The following CPLANE1 variants were observed in gnomAD, a reference collection of about 807,000 sequenced individuals.
CPLANE1 encodes ciliogenesis and planar polarity effector complex subunit 1, also known as ciliogenesis and planar polarity effector 1.
A neutral mutation model predicts 362.5 loss-of-function variants in CPLANE1; 263 were observed. That is an observed-to-expected ratio of 0.73 (90% confidence interval 0.66 to 0.80). CPLANE1 has a LOEUF of 0.80. CPLANE1 is among the 30% of genes least tolerant of loss of function. CPLANE1 has a pLI of 0.00. For synonymous variants in CPLANE1, 1,212 were observed against 1,302.6 expected (o/e 0.93, Z 1.50); for missense variants, 3,461 against 3,793.4 (o/e 0.91, Z 2.30).
intron 42 of CPLANE1, 116 bp downstream of exon 42, chr5:37,153,624 A>G (rs1774196398): frequency 1.9e-6 from 2 of 1,058,866 alleles, no homozygotes; most frequent in Non-Finnish European, 2.7e-6. Flanking sequence ...GACAAACCCT[A>G]GCTTAAAGAA....
intron 21 of CPLANE1, among the ~76,000 whole-genome samples, chr5:37,194,693 A>G (rs1254565222): frequency 1.3e-5 from 2 of 148,476 alleles, no homozygotes; most frequent in Non-Finnish European, 3.0e-5. Flanking sequence ...GGCTCTCACT[A>G]CGTTGCCCAG....
chr5:37,126,552 C>T (rs1764180860), intron 46 of CPLANE1, among the ~76,000 whole-genome samples: 1 of 152,196 alleles, frequency 6.6e-6, no homozygotes, highest in Non-Finnish European at 1.5e-5. Context: ...GATGCTTCTC[C>T]TTACTTCTTC....
At chr5:37,235,315 G>C (rs889051926) in intron 8 of CPLANE1, among the ~76,000 whole-genome samples, 2 of 151,964 alleles carry the variant, frequency 1.3e-5, no homozygotes. Context: ...ACTGATAAAA[G>C]AAATTATAAT....
At chr5:37,085,304 T>A in the CPLANE1 span, 3 of 1,083,838 alleles carry the variant, frequency 2.8e-6, 1 homozygote, top group Non-Finnish European at 2.9e-6. Flanking sequence ...CCTACCCTGC[T>A]GGATTCATGG....
intron 51 of CPLANE1, among the ~76,000 whole-genome samples, chr5:37,112,291 T>C (rs1759583148): frequency 6.6e-6 from 1 of 152,212 alleles, no homozygotes; most frequent in African/African-American, 2.4e-5. Context: ...TATCACTGGG[T>C]TTCTCTCACC....
chr5:37,149,089 T>C (rs1772671186), intron 42 of CPLANE1, among the ~76,000 whole-genome samples: 1 of 152,122 alleles, frequency 6.6e-6, no homozygotes, highest in Non-Finnish European at 1.5e-5. Context: ...GTGGTGTGTG[T>C]GTGTGTGTAT....
At chr5:37,101,157 C>T in the CPLANE1 span, among the ~76,000 whole-genome samples, 1 of 152,082 alleles carries the variant, frequency 6.6e-6, no homozygotes, top group South Asian at 2.1e-4. Flanking sequence ...TGAATATGAG[C>T]GGTGAGAAGG....
chr5:37,113,812 T>TTTTTG (rs769144791), intron 51 of CPLANE1, among the ~76,000 whole-genome samples: 74 of 152,164 alleles, frequency 4.9e-4, no homozygotes, highest in African/African-American at 1.3e-3. Flanking sequence ...TAGTGGGGTT[T>TTTTTG]TTTTGTTTTG....
chr5:37,179,545 G>C (rs1580465572), intron 28 of CPLANE1, 102 bp from the exon 29 acceptor site: 1 of 731,312 alleles, frequency 1.4e-6, no homozygotes, highest in Non-Finnish European at 2.3e-6. Context: ...TATAATGACA[G>C]AAATATTTTC....
intron 51 of CPLANE1, among the ~76,000 whole-genome samples, chr5:37,109,274 A>G (rs1365826656): frequency 6.6e-6 from 1 of 152,184 alleles, no homozygotes; most frequent in Non-Finnish European, 1.5e-5. Context: ...TACCAACCTT[A>G]TGTACTTGAA....
intron 21 of CPLANE1, among the ~76,000 whole-genome samples, chr5:37,189,447 C>T (rs1245007324): frequency 2.0e-5 from 3 of 152,130 alleles, no homozygotes; most frequent in Middle Eastern, 3.4e-3. Flanking sequence ...GGAGCACGGC[C>T]CAATCTTTTG....
intron 21 of CPLANE1, among the ~76,000 whole-genome samples, chr5:37,192,751 C>A (rs1019335681): frequency 5.3e-5 from 8 of 150,452 alleles, no homozygotes; most frequent in South Asian, 2.1e-4. Flanking sequence ...GTAGTCCCAG[C>A]TACTCGGGAG....
intron 43 of CPLANE1, among the ~76,000 whole-genome samples, chr5:37,144,333 TGGA>T (rs1201797364): frequency 1.4e-5 from 2 of 143,760 alleles, no homozygotes; most frequent in Non-Finnish European, 3.0e-5. Context: ...GCTTGAACCC[TGGA>T]GGAGGAGGCT....
rs1007231105 is a variant in CPLANE1, at chr5:37,112,868, G to A, written c.9400+2092C>T. ...ATACCTACAGCTTTCTATGGGCAAGGCCTCATGTTAGATTATAATGACTTC... is the reference window on the plus strand; with the variant it reads ...ATACCTACAGCTTTCTATGGGCAAGACCTCATGTTAGATTATAATGACTTC... On this transcript the variant is annotated intron_variant, in intron 51 of 52. Transcript: ENST00000651892. Among the ~76,000 whole-genome samples, 7 of 152,242 alleles carry A rather than the reference G, an allele frequency of 4.6e-5. No individual in the cohort carries two copies. In the East Asian group the frequency reaches 1.3e-3, roughly 29 times the overall value.
chr5:37,181,149 T>C, intron 26 of CPLANE1, 144 bp from the exon 27 acceptor site: 1 of 766,238 alleles, frequency 1.3e-6, no homozygotes, highest in South Asian at 2.2e-5. Context: ...TACAACTCAA[T>C]ATTTGTTGCT....
chr5:37,076,741 T>TTTC, the CPLANE1 span, among the ~76,000 whole-genome samples: 2 of 151,596 alleles, frequency 1.3e-5, no homozygotes, highest in East Asian at 1.9e-4. Context: ...TTAAAAACCA[T>TTTC]TTCTTTTATT....
intron 23 of CPLANE1, among the ~76,000 whole-genome samples, chr5:37,187,060 C>CAAAAAAAAAAAAAAAAAAAAAAA (rs61112118): frequency 1.2e-4 from 6 of 50,404 alleles, no homozygotes; most frequent in African/African-American, 5.5e-4. Context: ...GACTCCGTCT[C>CAAAAAAAAAAAAAAAAAAAAAAA]AAAAAAAAAA....
At chr5:37,218,120 G>C (rs1794544715) in intron 15 of CPLANE1, among the ~76,000 whole-genome samples, 1 of 152,170 alleles carries the variant, frequency 6.6e-6, no homozygotes, top group African/African-American at 2.4e-5. Flanking sequence ...TTGCTTGTAA[G>C]GTGGTCCTTG....
rs775583275 is a variant in CPLANE1 at position 37,169,122 on chromosome 5, T to A, written c.6902A>T (p.Lys2301Met). 1 of 1,614,210 alleles carries A rather than the reference T, an allele frequency of 6.2e-7. No individual in the cohort carries two copies. The highest frequency in any genetic ancestry group is 8.5e-7 in the Non-Finnish European group (1 of 1,180,022). The stretch of plus-strand genomic sequence containing the variant: ...TGTAATTACAGTTTCTGCCCACGTC[T>A]TCTGCTCAACTTCTTTTTTTCTGGC... Reference protein sequence around the residue: ...TEARKKEVEQKTWAETVITEI... With the variant: ...TEARKKEVEQMTWAETVITEI... The change falls in exon 34 of 53, where the codon AAG (lysine) becomes ATG (methionine). Residue 2301 changes from lysine (K) to methionine (M), a missense_variant. By Grantham distance (95) the Lys-to-Met change is moderately conservative (BLOSUM62 -1). Coordinates refer to ENST00000651892, the MANE Select transcript of CPLANE1 (RefSeq NM_001384732.1).
Sources: allele counts gnomAD v4.1 joint callset (sites outside exome capture counted in the v4.1 genomes callset), GRCh38; gene constraint gnomAD v4.1.1; transcripts MANE v1.5; gene names NCBI Gene and HGNC (gene_info 2026-07-23, HGNC 2026-07-21).